The following GPC5 variants were observed in gnomAD, a reference collection of about 807,000 sequenced individuals.
GPC5 encodes glypican-5.
GPC5 carries 47 observed loss-of-function variants against 53.9 expected under a neutral mutation model. The ratio of observed to expected loss-of-function variants is 0.87; its 90% CI spans 0.69 to 1.11. The LOEUF (loss-of-function observed/expected upper bound fraction) is 1.11, where lower values mean the gene tolerates loss of function less well. Ranked by LOEUF, GPC5 falls within the 50% of genes most tolerant of loss-of-function variation. GPC5 has a pLI of 0.00. For synonymous variants in GPC5, 286 were observed against 263.3 expected, an observed-to-expected ratio of 1.09 and a Z score of -0.84; for missense variants, 748 against 713.1, an observed-to-expected ratio of 1.05 and a Z score of -0.56.
chr13:92,357,912 C>T (rs1362071644), intron 7 of GPC5, among the ~76,000 whole-genome samples: 1 of 151,464 alleles, frequency 6.6e-6, no homozygotes, highest in Non-Finnish European at 1.5e-5. Context: ...CATTCTGCAC[C>T]TGGCCCCTAC....
At chr13:92,625,792 A>G (rs1467486390) in intron 7 of GPC5, among the ~76,000 whole-genome samples, 1 of 152,202 alleles carries the variant, frequency 6.6e-6, no homozygotes, top group African/African-American at 2.4e-5. Context: ...AAGTGTAGGC[A>G]TAGGACACAT....
At chr13:91,603,151 C>T (rs2033235118) in intron 2 of GPC5, among the ~76,000 whole-genome samples, 1 of 152,160 alleles carries the variant, frequency 6.6e-6, no homozygotes, top group Admixed American at 6.5e-5. Flanking sequence ...ATTACTGGAG[C>T]CAGAGGGCAT....
intron 2 of GPC5, among the ~76,000 whole-genome samples, chr13:91,690,949 A>G (rs1270353262): frequency 6.6e-6 from 1 of 152,210 alleles, no homozygotes; most frequent in East Asian, 1.9e-4. Flanking sequence ...AAACATTGTG[A>G]TTTAACCATT....
chr13:91,720,493 C>T (rs2036440233), intron 3 of GPC5, among the ~76,000 whole-genome samples: 1 of 152,134 alleles, frequency 6.6e-6, no homozygotes, highest in Non-Finnish European at 1.5e-5. Context: ...ATCTCAGAAT[C>T]ATTTTCAACT....
intron 6 of GPC5, among the ~76,000 whole-genome samples, chr13:91,952,765 C>CA (rs1335779983): frequency 6.6e-6 from 1 of 151,936 alleles, no homozygotes; most frequent in Non-Finnish European, 1.5e-5. Context: ...AATCCCTGAA[C>CA]AAAAAGATAC....
intron 2 of GPC5, among the ~76,000 whole-genome samples, chr13:91,537,551 G>A (rs1886649130): frequency 6.6e-6 from 1 of 152,158 alleles, no homozygotes; most frequent in African/African-American, 2.4e-5. Context: ...ATAAAGAAAA[G>A]TGTTCAACTA....
At chr13:91,852,512 G>T (rs1473718873) in intron 5 of GPC5, among the ~76,000 whole-genome samples, 2 of 150,444 alleles carry the variant, frequency 1.3e-5, no homozygotes, top group Admixed American at 6.6e-5. Flanking sequence ...TTATAGATTT[G>T]CTTGTAAGCA....
intron 7 of GPC5, among the ~76,000 whole-genome samples, chr13:92,417,394 C>G (rs781171265): frequency 5.9e-5 from 9 of 152,132 alleles, no homozygotes; most frequent in African/African-American, 2.2e-4. Flanking sequence ...CCATACACTG[C>G]TGGTGGAAAT....
At chr13:92,217,849 G>A (rs2042421935) in intron 7 of GPC5, among the ~76,000 whole-genome samples, 1 of 151,022 alleles carries the variant, frequency 6.6e-6, no homozygotes, top group Admixed American at 6.6e-5. Flanking sequence ...AATACAACAT[G>A]GAGAACACAT....
chr13:92,132,911 T>C (rs563288204), intron 6 of GPC5, among the ~76,000 whole-genome samples: 1 of 152,270 alleles, frequency 6.6e-6, no homozygotes, highest in African/African-American at 2.4e-5. Context: ...AATACCTATT[T>C]CTAAAGCAAA....
intron 7 of GPC5, among the ~76,000 whole-genome samples, chr13:92,862,969 G>A (rs1026202638): frequency 6.6e-6 from 1 of 152,104 alleles, no homozygotes; most frequent in Non-Finnish European, 1.5e-5. Context: ...AGAAGGTGCT[G>A]TCCTCTCAGA....
intron 6 of GPC5, among the ~76,000 whole-genome samples, chr13:92,101,976 C>T (rs1594763540): frequency 6.6e-6 from 1 of 152,248 alleles, no homozygotes; most frequent in South Asian, 2.1e-4. Context: ...TTTGTTGTAC[C>T]TATGGGACAT....
At chr13:92,694,773 C>T (rs746638015) in intron 7 of GPC5, among the ~76,000 whole-genome samples, 8 of 152,108 alleles carry the variant, frequency 5.3e-5, no homozygotes, top group Non-Finnish European at 1.2e-4. Context: ...CTTGGGAAGA[C>T]ATGATTGTGT....
chr13:91,931,284 G>T (rs1051626648), intron 6 of GPC5, among the ~76,000 whole-genome samples: 44 of 151,794 alleles, frequency 2.9e-4, no homozygotes, highest in African/African-American at 8.7e-4. Context: ...ATTCACTTGT[G>T]AATTATGTAA....
chr13:92,194,770 T>A (rs2042245970), intron 7 of GPC5, among the ~76,000 whole-genome samples: 1 of 152,166 alleles, frequency 6.6e-6, no homozygotes, highest in Admixed American at 6.5e-5. Flanking sequence ...AGTATTAGCC[T>A]CCCCATCAGA....
At chr13:91,866,580 A>G (rs956044637) in intron 5 of GPC5, among the ~76,000 whole-genome samples, 27 of 152,206 alleles carry the variant, frequency 1.8e-4, no homozygotes, top group African/African-American at 6.3e-4. Flanking sequence ...TTAAGCCATG[A>G]TTGACAGCTT....
intron 7 of GPC5, among the ~76,000 whole-genome samples, chr13:92,769,202 A>C (rs1875521990): frequency 2.0e-5 from 3 of 152,202 alleles, no homozygotes; most frequent in Admixed American, 2.0e-4. Flanking sequence ...GCTTAAGAAA[A>C]GTGCTGGGAA....
chr13:92,187,816 C>A (rs1268801212), intron 7 of GPC5, among the ~76,000 whole-genome samples: 1 of 152,150 alleles, frequency 6.6e-6, no homozygotes, highest in Non-Finnish European at 1.5e-5. Context: ...CTATTAATTT[C>A]TATCATCATT....
At chr13:91,976,061 A>T (rs969922931) in intron 6 of GPC5, among the ~76,000 whole-genome samples, 6 of 152,278 alleles carry the variant, frequency 3.9e-5, no homozygotes, top group African/African-American at 1.4e-4. Flanking sequence ...CATAGCTAGG[A>T]ATTGAACAAT....
Sources: gnomAD v4.1 joint callset for allele counts (sites outside exome capture counted in the v4.1 genomes callset) on GRCh38, gnomAD v4.1.1 for gene constraint, MANE v1.5 for transcripts, NCBI Gene and HGNC (gene_info 2026-07-23, HGNC 2026-07-21) for gene names.